The following ESR1 variants were observed in gnomAD, a reference collection of about 807,000 sequenced individuals.
ESR1 encodes estrogen receptor 1, also known as estrogen receptor.
In ESR1, 12 loss-of-function variants were observed where a neutral mutation model predicts 52.7. The ratio of observed to expected loss-of-function variants is 0.23; its 90% CI spans 0.15 to 0.37. The LOEUF (loss-of-function observed/expected upper bound fraction) is 0.37, where lower values mean the gene tolerates loss of function less well. ESR1 is among the 10% of genes least tolerant of loss of function. The pLI, the probability that ESR1 is intolerant of heterozygous loss-of-function variation, is 1.00. For synonymous variants in ESR1, 305 were observed against 316.8 expected (o/e 0.96, Z 0.39); for missense variants, 584 against 779.7 (o/e 0.75, Z 2.99).
chr6:151,909,983 C>G (rs752604500), intron 3 of ESR1, among the ~76,000 whole-genome samples: 8 of 151,830 alleles, frequency 5.3e-5, no homozygotes, highest in Non-Finnish European at 8.8e-5. Flanking sequence ...ACAGAAGGAC[C>G]AAAGAAGGGA....
intron 3 of ESR1, among the ~76,000 whole-genome samples, chr6:151,907,842 A>G (rs1385068919): frequency 6.6e-6 from 1 of 152,192 alleles, no homozygotes. Context: ...ATGGTACATC[A>G]TATAAAAAGA....
At chr6:151,753,386 T>C (rs1784046792) in intron 2 of ESR1, among the ~76,000 whole-genome samples, 1 of 151,828 alleles carries the variant, frequency 6.6e-6, no homozygotes, top group Non-Finnish European at 1.5e-5. Context: ...GGCGTGATCT[T>C]GGCTCACTGC....
chr6:152,049,996 T>C (rs2046546787), intron 5 of ESR1, among the ~76,000 whole-genome samples: 1 of 152,216 alleles, frequency 6.6e-6, no homozygotes, highest in African/African-American at 2.4e-5. Context: ...AAAAAGAATC[T>C]TTTTTGCTTT....
At chr6:151,786,196 T>G (rs1390623766) in intron 2 of ESR1, among the ~76,000 whole-genome samples, 6 of 152,202 alleles carry the variant, frequency 3.9e-5, no homozygotes, top group Non-Finnish European at 8.8e-5. Flanking sequence ...GGATCACAAC[T>G]GCTGGAGAAG....
At chr6:151,834,446 G>C (rs1333964918) in intron 1 of ESR1, among the ~76,000 whole-genome samples, 1 of 152,132 alleles carries the variant, frequency 6.6e-6, no homozygotes, top group African/African-American at 2.4e-5. Flanking sequence ...ACTAACACAG[G>C]AACAGAAAAC....
intron 5 of ESR1, among the ~76,000 whole-genome samples, chr6:152,026,215 T>G (rs953137885): frequency 6.6e-6 from 1 of 152,076 alleles, no homozygotes; most frequent in Non-Finnish European, 1.5e-5. Context: ...TATGCCCATG[T>G]CTATTTATCT....
intron 3 of ESR1, among the ~76,000 whole-genome samples, chr6:151,936,972 A>C (rs919566584): frequency 1.3e-5 from 2 of 152,192 alleles, no homozygotes; most frequent in Non-Finnish European, 2.9e-5. Context: ...TTTGGTTTTC[A>C]AGGCCAATAC....
chr6:151,842,916 G>A (rs1004559931), intron 2 of ESR1, 129 bp downstream of exon 2: 1 of 740,492 alleles, frequency 1.4e-6, no homozygotes, highest in African/African-American at 1.7e-5. Context: ...AGGTCCACTA[G>A]TATCTTTGGT....
chr6:152,075,653 G>A (rs981915967), intron 6 of ESR1, among the ~76,000 whole-genome samples: 3 of 152,170 alleles, frequency 2.0e-5, no homozygotes, highest in African/African-American at 2.4e-5. Flanking sequence ...TACATTTGAA[G>A]GTTTCTGGCT....
At chr6:151,896,264 ATTC>A (rs1237868892) in intron 3 of ESR1, among the ~76,000 whole-genome samples, 1 of 152,030 alleles carries the variant, frequency 6.6e-6, no homozygotes, top group Non-Finnish European at 1.5e-5. Context: ...ATTGGTACCA[ATTC>A]TTCTTTGAGT....
At chr6:151,765,553 A>G (rs931170072) in intron 2 of ESR1, among the ~76,000 whole-genome samples, 1 of 152,100 alleles carries the variant, frequency 6.6e-6, no homozygotes, top group African/African-American at 2.4e-5. Context: ...TTTTTTTCCT[A>G]TAGCTAATTA....
chr6:151,992,695 T>C (rs1158163264), intron 4 of ESR1, among the ~76,000 whole-genome samples: 2 of 152,102 alleles, frequency 1.3e-5, no homozygotes, highest in East Asian at 1.9e-4. Flanking sequence ...TCTTGAAGCA[T>C]GTGGATTTGC....
rs769593068 is a variant in ESR1, at chr6:151,808,196, G to A, written c.284G>A (p.Gly95Glu). The part of the protein sequence containing the change: ...EAAAFGSNGL[G>E]GFPPLNSVSP... ...GCGGCGTTCGGCTCCAACGGCCTGG[G>A]GGGTTTCCCCCCACTCAACAGCGTG... Residue 95 changes from glycine (G) to glutamate (E), a missense_variant, in exon 1 of 8, where the codon GGG (glycine) becomes GAG (glutamate). Physicochemically the swap from Gly to Glu is moderately conservative, Grantham distance 98. Coordinates refer to ENST00000206249, the MANE Select transcript of ESR1 (RefSeq NM_000125.4). 8.2e-6 allele frequency: 13 copies of A among 1,577,104 alleles called. No individual in the cohort carries two copies. The highest frequency in any genetic ancestry group is 1.1e-5 in the Non-Finnish European group (13 of 1,161,428).
intron 1 of ESR1, among the ~76,000 whole-genome samples, chr6:151,660,409 G>C (rs1777598953): frequency 6.6e-6 from 1 of 152,208 alleles, no homozygotes; most frequent in African/African-American, 2.4e-5. Context: ...TTGTTAGAAA[G>C]TGACTCTTGT....
rs945467222 is a variant in ESR1 at position 152,062,700 on chromosome 6, A to G, written c.1369+1576A>G. On this transcript the variant is annotated intron_variant, in intron 6 of 7. Coordinates refer to ENST00000206249, the MANE Select transcript of ESR1 (RefSeq NM_000125.4). ...GTGCCTTCTTCGGTGGAGGGCTGGC[A>G]CGTGCTGACAGCTTTCATGTGGGCA... 2.0e-5 allele frequency among the ~76,000 whole-genome samples: 3 copies of G among 152,306 alleles called. No homozygotes were observed. In the East Asian group the frequency reaches 5.8e-4, roughly 29 times the overall value.
intron 1 of ESR1, among the ~76,000 whole-genome samples, chr6:151,679,116 GA>G (rs1437914250): frequency 1.3e-5 from 2 of 152,186 alleles, no homozygotes; most frequent in African/African-American, 4.8e-5. Context: ...GCATTAAACA[GA>G]AGTATGAATT....
At position 151,780,163 on chromosome 6, in the gene ESR1, C is replaced by A. The variant is rs188651086; in HGVS notation, c.-70-27680C>A. Among the ~76,000 whole-genome samples, 22 of 151,818 alleles carry A rather than the reference C, an allele frequency of 1.4e-4. No homozygotes were observed. In the East Asian group the frequency reaches 3.7e-3, roughly 26 times the overall value. The stretch of plus-strand genomic sequence containing the variant: ...AGTTCCACAAGTTCTATAATGAGAA[C>A]ATATTTGCACAGGGAGGGGAACATC... On this transcript the variant is annotated intron_variant, in intron 2 of 2. Coordinates refer to the ESR1 transcript ENST00000404742.
chr6:151,857,197 T>G (rs188363844), intron 2 of ESR1, among the ~76,000 whole-genome samples: 16 of 152,180 alleles, frequency 1.1e-4, no homozygotes, highest in Non-Finnish European at 1.8e-4. Context: ...TGGTAGTGTC[T>G]GTGCTGAACA....
At chr6:152,122,234 T>C in intron 6 of ESR1, 1 of 769,152 alleles carries the variant, frequency 1.3e-6, no homozygotes. Flanking sequence ...CCAAACCTTC[T>C]TGTTGTCTGT....
Sources: allele counts gnomAD v4.1 joint callset (sites outside exome capture counted in the v4.1 genomes callset), GRCh38; gene constraint gnomAD v4.1.1; transcripts MANE v1.5; gene names NCBI Gene and HGNC (gene_info 2026-07-23, HGNC 2026-07-21).